The following ANK2 variants were observed in gnomAD, a reference collection of about 807,000 sequenced individuals.
ANK2 encodes the protein ankyrin-2.
In ANK2, 83 loss-of-function variants were observed where a neutral mutation model predicts 360.5. The observed-to-expected ratio is 0.23, with a 90% CI of 0.19 to 0.28. ANK2 has a LOEUF of 0.28. ANK2 is among the 10% of genes least tolerant of loss of function. The probability of loss-of-function intolerance (pLI) is 1.00; values close to 1 mark genes in which losing one functional copy is unlikely to be tolerated. For synonymous variants in ANK2, 1,740 were observed against 1,759.5 expected (o/e 0.99, Z 0.28); for missense variants, 4,201 against 4,795.7 (o/e 0.88, Z 3.66).
intron 1 of ANK2, among the ~76,000 whole-genome samples, chr4:113,085,721 A>G (rs2084388560): frequency 6.6e-6 from 1 of 152,240 alleles, no homozygotes; most frequent in African/African-American, 2.4e-5. Context: ...CCTGTTAGAG[A>G]GTGGCTGGCT....
chr4:113,273,319 A>C (rs2059162385), intron 14 of ANK2, among the ~76,000 whole-genome samples: 1 of 152,258 alleles, frequency 6.6e-6, no homozygotes, highest in Non-Finnish European at 1.5e-5. Context: ...GATGGGTCAC[A>C]TATGCATTGT....
the ANK2 span, among the ~76,000 whole-genome samples, chr4:112,802,432 CA>C: frequency 6.6e-6 from 1 of 152,302 alleles, no homozygotes; most frequent in African/African-American, 2.4e-5. Flanking sequence ...TTTCCACCAG[CA>C]GCATAATGCT....
intron 2 of ANK2, among the ~76,000 whole-genome samples, chr4:112,958,375 C>T (rs1227901408): frequency 6.6e-5 from 10 of 152,190 alleles, no homozygotes; most frequent in African/African-American, 2.4e-4. Flanking sequence ...GCGGATCACT[C>T]GCGGTTAGGA....
chr4:113,364,975 G>T (rs2154052149), intron 40 of ANK2, 64 bp from the exon 41 acceptor site: 1 of 1,599,432 alleles, frequency 6.3e-7, no homozygotes. Flanking sequence ...TAAGGCAGTT[G>T]AGTGAAAGAG....
At chr4:113,099,684 G>A (rs1220974434) in intron 1 of ANK2, among the ~76,000 whole-genome samples, 2 of 151,872 alleles carry the variant, frequency 1.3e-5, no homozygotes, top group Admixed American at 1.3e-4. Flanking sequence ...ACACAATATG[G>A]AAGAAAAATA....
intron 2 of ANK2, among the ~76,000 whole-genome samples, chr4:112,908,674 T>G (rs2086089307): frequency 6.6e-6 from 1 of 152,236 alleles, no homozygotes; most frequent in Non-Finnish European, 1.5e-5. Flanking sequence ...GGCTTAGGAC[T>G]TATGCCACCA....
chr4:113,052,749 C>T (rs1174286428), intron 1 of ANK2, among the ~76,000 whole-genome samples: 5 of 152,020 alleles, frequency 3.3e-5, no homozygotes, highest in Non-Finnish European at 5.9e-5. Flanking sequence ...CTCATTGCCG[C>T]GAGGAGGATA....
intron 2 of ANK2, among the ~76,000 whole-genome samples, chr4:112,966,826 A>G (rs1424773188): frequency 6.6e-6 from 1 of 152,196 alleles, no homozygotes; most frequent in African/African-American, 2.4e-5. Context: ...AAATGCTGTT[A>G]AATCTTATTA....
At chr4:113,123,146 A>G (rs985064384) in intron 1 of ANK2, among the ~76,000 whole-genome samples, 13 of 152,108 alleles carry the variant, frequency 8.5e-5, no homozygotes, top group African/African-American at 2.4e-4. Context: ...TACACACTCA[A>G]TGTAATTTTT....
At chr4:112,763,136 A>C in the ANK2 span, among the ~76,000 whole-genome samples, 1 of 152,182 alleles carries the variant, frequency 6.6e-6, no homozygotes, top group Non-Finnish European at 1.5e-5. Flanking sequence ...TGGGCTCACC[A>C]CAGCCTTGAC....
In ANK2 at chr4:113,163,764, C is replaced by CAAAAAAAAAAAAAAAAAAAA. The variant is rs1158530849; in HGVS notation, c.85-10643_85-10624dup. 2.4e-3 allele frequency among the ~76,000 whole-genome samples: 130 copies of CAAAAAAAAAAAAAAAAAAAA among 55,036 alleles called. 1 individual carries two copies. Among genetic ancestry groups the CAAAAAAAAAAAAAAAAAAAA allele is most frequent in the African/African-American group, 4.2e-3 (75 of 17,738 alleles). 36.1% of individuals were successfully genotyped at this position (55,036 alleles called of 152,430 possible). A position where few individuals can be genotyped will look rare whatever the true frequency, so the allele number is the denominator to read the frequency against. On this transcript the variant is annotated intron_variant, in intron 1 of 45. Transcript: ENST00000357077. Reference sequence around the variant, plus strand: ...GGGCAACAAGAGTGAAACTTCGTCTCAAAAAAAAAAAAAAAAAAAAAAAAA... The same window carrying CAAAAAAAAAAAAAAAAAAAA: ...GGGCAACAAGAGTGAAACTTCGTCTCAAAAAAAAAAAAAAAAAAAAAAAAAAAAAAAAAAAAAAAAAAAAA...
intron 32 of ANK2, among the ~76,000 whole-genome samples, 165 bp from the exon 33 acceptor site, chr4:113,341,523 G>C (rs557835052): frequency 6.6e-6 from 1 of 151,792 alleles, no homozygotes; most frequent in Non-Finnish European, 1.5e-5. Context: ...TTTTGTTCCT[G>C]TCTTGCTATT....
chr4:112,892,784 G>C (rs533429555), intron 1 of ANK2, among the ~76,000 whole-genome samples: 1 of 152,204 alleles, frequency 6.6e-6, no homozygotes, highest in East Asian at 1.9e-4. Context: ...TGTTCTTTTT[G>C]TTCTTGTTAT....
chr4:112,926,523 G>C (rs931794365), intron 2 of ANK2, among the ~76,000 whole-genome samples: 2 of 152,158 alleles, frequency 1.3e-5, no homozygotes, highest in African/African-American at 4.8e-5. Context: ...AAATCACTGG[G>C]TGTCTGTTCA....
Position 113,026,315 on chromosome 4 carries a change from C to T in ANK2, c.21+121801C>T, listed in dbSNP as rs904635967. ...TTCTAAATGTGAATTCTAACAAAACCCAAACCCCAACCATGTGGACTGAAT... is the reference window on the plus strand; with the variant it reads ...TTCTAAATGTGAATTCTAACAAAACTCAAACCCCAACCATGTGGACTGAAT... On this transcript the variant is annotated intron_variant, in intron 2 of 30. Coordinates refer to the ANK2 transcript ENST00000503271. Among the ~76,000 whole-genome samples the T allele has an allele frequency of 2.0e-5, 3 of 152,148 alleles. No individual in the cohort carries two copies. The East Asian group carries it at 5.8e-4, about 29-fold the overall frequency.
chr4:112,830,304 G>A (rs1207584881), intron 1 of ANK2, among the ~76,000 whole-genome samples: 2 of 152,180 alleles, frequency 1.3e-5, no homozygotes, highest in Non-Finnish European at 2.9e-5. Context: ...ACACAACATG[G>A]AATACTACAG....
chr4:113,316,852 T>C (rs1050168475), intron 24 of ANK2, among the ~76,000 whole-genome samples: 1 of 152,252 alleles, frequency 6.6e-6, no homozygotes, highest in African/African-American at 2.4e-5. Context: ...ATGTAATGCA[T>C]GGTTTATCAA....
At position 113,192,293 on chromosome 4, in the gene ANK2, C is replaced by T. The variant is rs1054206323; in HGVS notation, c.187-4075C>T. 2.6e-5 allele frequency among the ~76,000 whole-genome samples: 4 copies of T among 152,188 alleles called. No homozygotes were observed. In the East Asian group the frequency reaches 5.8e-4, roughly 22 times the overall value. ...ACATCTAACTTCCCCAAGATGACCT[C>T]CTGTCTCAGGTCTTGACTAAACTTC... On this transcript the variant is annotated intron_variant, in intron 2 of 45. Coordinates refer to ENST00000357077, the MANE Select transcript of ANK2 (RefSeq NM_001148.6).
chr4:112,773,216 C>G, the ANK2 span, among the ~76,000 whole-genome samples: 2 of 152,056 alleles, frequency 1.3e-5, no homozygotes, highest in Non-Finnish European at 2.9e-5. Flanking sequence ...ACTGAGGTGG[C>G]TGAGGTGGGA....
Sources: gnomAD v4.1 joint callset for allele counts (sites outside exome capture counted in the v4.1 genomes callset) on GRCh38, gnomAD v4.1.1 for gene constraint, MANE v1.5 for transcripts, NCBI Gene and HGNC (gene_info 2026-07-23, HGNC 2026-07-21) for gene names.